MARCHF1: variants seen among roughly 807,000 people sequenced by gnomAD.
The protein encoded by MARCHF1 is membrane associated ring-CH-type finger 1, also known as E3 ubiquitin-protein ligase MARCHF1.
Under a neutral mutation model 54.2 loss-of-function variants are expected in MARCHF1, and 40 were observed. That is an observed-to-expected ratio of 0.74 (90% confidence interval 0.57 to 0.96). The LOEUF (loss-of-function observed/expected upper bound fraction) is 0.96, where lower values mean the gene tolerates loss of function less well. MARCHF1 is among the 40% of genes least tolerant of loss of function. The pLI is 0.00. For synonymous variants in MARCHF1, 236 were observed against 236.3 expected, an observed-to-expected ratio of 1.00 and a Z score of 0.01; for missense variants, 586 against 656.5, an observed-to-expected ratio of 0.89 and a Z score of 1.17.
chr4:163,733,413 GA>G (rs201394705), intron 4 of MARCHF1, among the ~76,000 whole-genome samples: 161 of 133,564 alleles, frequency 1.2e-3, no homozygotes, highest in Non-Finnish European at 1.7e-3. Flanking sequence ...ATTTTTAAGG[GA>G]AAAAAAAAAC....
intron 5 of MARCHF1, among the ~76,000 whole-genome samples, chr4:163,634,389 A>C (rs1742231692): frequency 1.3e-5 from 2 of 148,638 alleles, no homozygotes; most frequent in Admixed American, 6.7e-5. Context: ...TCAAAATAAA[A>C]GGATGGAGGA....
chr4:163,941,128 G>A (rs1441042275), intron 3 of MARCHF1, among the ~76,000 whole-genome samples: 1 of 152,070 alleles, frequency 6.6e-6, no homozygotes, highest in Non-Finnish European at 1.5e-5. Context: ...GTATCCTTGA[G>A]AGGGTAACTT....
intron 4 of MARCHF1, among the ~76,000 whole-genome samples, chr4:163,719,478 C>A (rs997683487): frequency 9.2e-5 from 14 of 152,086 alleles, no homozygotes; most frequent in African/African-American, 3.1e-4. Context: ...GTGAATACTG[C>A]CGCAATAAAC....
rs574942274 is a variant in MARCHF1, at chr4:163,997,254, C to T, written c.-247-8545G>A. Among the ~76,000 whole-genome samples the T allele has an allele frequency of 3.2e-4, 48 of 152,004 alleles. 1 individual carries two copies. The highest frequency in any genetic ancestry group is 1.1e-3 in the African/African-American group (47 of 41,502). ...TACCCTACATGTTGGTTACAGGGGG[C>T]TTGAAGGAGCTGTTTGAGGCTAAAA... On this transcript the variant is annotated intron_variant, in intron 2 of 9. Coordinates refer to ENST00000514618, the MANE Select transcript of MARCHF1 (RefSeq NM_001394959.1).
chr4:164,043,742 T>C (rs1431879697), intron 2 of MARCHF1, among the ~76,000 whole-genome samples: 1 of 152,200 alleles, frequency 6.6e-6, no homozygotes, highest in African/African-American at 2.4e-5. Context: ...ACTTTTATGC[T>C]CCCCTTCCCT....
rs1448096619 is a variant in MARCHF1, at chr4:163,706,440, G to T, written c.112-5577C>A. On this transcript the variant is annotated intron_variant, in intron 4 of 9. Coordinates refer to ENST00000514618, the MANE Select transcript of MARCHF1 (RefSeq NM_001394959.1). ...TATTTAATATTGTGTCTATCCTAAT[G>T]GAAACACTATAAAATCAATAGCTTT... 2.6e-5 allele frequency among the ~76,000 whole-genome samples: 4 copies of T among 151,852 alleles called. No homozygotes were observed. The East Asian group carries it at 7.7e-4, about 29-fold the overall frequency.
intron 1 of MARCHF1, among the ~76,000 whole-genome samples, chr4:164,240,817 C>G (rs1377476575): frequency 6.6e-6 from 1 of 152,034 alleles, no homozygotes; most frequent in Admixed American, 6.5e-5. Context: ...GGGAAACTAC[C>G]TCCATTCCTT....
intron 5 of MARCHF1, among the ~76,000 whole-genome samples, chr4:163,663,230 T>G (rs1743410356): frequency 6.6e-6 from 1 of 151,598 alleles, no homozygotes; most frequent in Admixed American, 6.6e-5. Flanking sequence ...ATCTTTTTTT[T>G]TTTTTTTAGA....
Position 164,197,539 on chromosome 4 carries a change from G to T in MARCHF1, c.-322-85877C>A, listed in dbSNP as rs1387796622. 4 of 1,613,468 alleles carry T rather than the reference G, an allele frequency of 2.5e-6. No individual in the cohort carries two copies. In the South Asian group the frequency reaches 4.4e-5, roughly 18 times the overall value. The stretch of plus-strand genomic sequence containing the variant: ...TCTCAACTTTAACTTTGGTAAGTCT[G>T]AGATTGAGGTGAGGCCTCCGTTGAT... On this transcript the variant is annotated intron_variant, in intron 1 of 9. Transcript: ENST00000514618.
chr4:164,308,901 T>C (rs1734768438), intron 1 of MARCHF1, among the ~76,000 whole-genome samples: 1 of 150,666 alleles, frequency 6.6e-6, no homozygotes, highest in Admixed American at 6.6e-5. Context: ...AACAAAACCC[T>C]GTGACACAAG....
chr4:163,651,167 G>T (rs1163958814), intron 5 of MARCHF1, among the ~76,000 whole-genome samples: 1 of 151,786 alleles, frequency 6.6e-6, no homozygotes, highest in Non-Finnish European at 1.5e-5. Flanking sequence ...GCTTGTTTTG[G>T]GTGCCATTTG....
At chr4:163,670,075 A>C (rs977674927) in intron 5 of MARCHF1, among the ~76,000 whole-genome samples, 1 of 147,930 alleles carries the variant, frequency 6.8e-6, no homozygotes, top group African/African-American at 2.5e-5. Context: ...GACTTCTTCC[A>C]AAGTTTCTTT....
At chr4:164,378,202 C>G (rs1289522856) in intron 1 of MARCHF1, among the ~76,000 whole-genome samples, 32 of 152,174 alleles carry the variant, frequency 2.1e-4, no homozygotes, top group Admixed American at 2.1e-3. Flanking sequence ...TCTGGAAAGA[C>G]AGTGAGAGAC....
rs76499582 is a variant in MARCHF1, at chr4:164,140,435, G to A, written c.-322-28773C>T. Among the ~76,000 whole-genome samples, 767 of 152,014 alleles carry A rather than the reference G, an allele frequency of 5.0e-3. 4 individuals carry two copies. The highest frequency in any genetic ancestry group is 0.017 in the African/African-American group (705 of 41,464). On this transcript the variant is annotated intron_variant, in intron 1 of 9. Transcript: ENST00000514618. ...TAGTATCAAGGAGCTGAAACTGACC[G>A]GATCACTGCATTTGGACAATGAGAT... is the stretch of plus-strand genomic sequence containing the variant.
At position 163,706,354 on chromosome 4, in the gene MARCHF1, C is replaced by G. The variant is rs111848717; in HGVS notation, c.112-5491G>C. Among the ~76,000 whole-genome samples the G allele has an allele frequency of 3.3e-3, 497 of 152,142 alleles. 2 individuals are homozygous for G. Among genetic ancestry groups the G allele is most frequent in the Non-Finnish European group, 5.7e-3 (389 of 67,954 alleles). On this transcript the variant is annotated intron_variant, in intron 4 of 9. Coordinates refer to ENST00000514618, the MANE Select transcript of MARCHF1 (RefSeq NM_001394959.1). ...GCCTTCTGCCAACTTGGAGTACATA[C>G]TCTAAACTCTCATCAGAGAGAAAAA... is the stretch of plus-strand genomic sequence containing the variant.
At chr4:163,621,433 C>T (rs1256936219) in intron 5 of MARCHF1, among the ~76,000 whole-genome samples, 1 of 152,168 alleles carries the variant, frequency 6.6e-6, no homozygotes, top group Non-Finnish European at 1.5e-5. Context: ...AACGCCCATC[C>T]AGAGTTAGAA....
intron 4 of MARCHF1, among the ~76,000 whole-genome samples, chr4:163,743,300 C>A (rs1746261603): frequency 6.6e-6 from 1 of 152,130 alleles, no homozygotes; most frequent in African/African-American, 2.4e-5. Context: ...TTACTCATTC[C>A]CAGCTCTCAT....
intron 4 of MARCHF1, among the ~76,000 whole-genome samples, chr4:163,710,332 A>T (rs1033777783): frequency 3.9e-5 from 6 of 152,270 alleles, no homozygotes; most frequent in African/African-American, 1.4e-4. Context: ...TTGCCATTAC[A>T]TTCAATGACA....
At chr4:164,276,934 C>CTATATATATATATATATATATATA (rs373542049) in intron 1 of MARCHF1, among the ~76,000 whole-genome samples, 24 of 115,368 alleles carry the variant, frequency 2.1e-4, no homozygotes, top group East Asian at 1.0e-3. Flanking sequence ...GTCTCATATT[C>CTATATATATATATATATATATATA]TATATATATA....
Sources: gnomAD v4.1 joint callset for allele counts (sites outside exome capture counted in the v4.1 genomes callset) on GRCh38, gnomAD v4.1.1 for gene constraint, MANE v1.5 for transcripts, NCBI Gene and HGNC (gene_info 2026-07-23, HGNC 2026-07-21) for gene names.